Variants in HEXD observed in about 807,000 individuals in gnomAD.
The protein encoded by HEXD is hexosaminidase D.
Under a neutral mutation model 54.2 loss-of-function variants are expected in HEXD, and 47 were observed. The observed-to-expected ratio is 0.87, with a 90% confidence interval of 0.69 to 1.11. The LOEUF is 1.11. Ranked by LOEUF, HEXD falls within the 50% of genes least tolerant of loss-of-function variation. The probability of loss-of-function intolerance (pLI) is 0.00; values close to 1 mark genes in which losing one functional copy is unlikely to be tolerated. For synonymous variants in HEXD, 293 were observed against 287.6 expected (o/e 1.02, Z -0.19); for missense variants, 576 against 649.2 (o/e 0.89, Z 1.23).
intron 3 of HEXD, among the ~76,000 whole-genome samples, chr17:82,425,217 T>TGGGCTAGAGAAGGCCGGAGG: frequency 2.2e-5 from 3 of 137,304 alleles, no homozygotes; most frequent in Middle Eastern, 5.4e-3. Flanking sequence ...TGGAGGAGGC[T>TGGGCTAGAGAAGGCCGGAGG]GGGCTAGAGA....
In HEXD at chr17:82,433,122, ATATATAT is replaced by A. The variant is rs1316734960; in HGVS notation, c.283-534_283-528del. 6.3e-4 allele frequency among the ~76,000 whole-genome samples: 11 copies of A among 17,436 alleles called. 2 individuals carry two copies. Among genetic ancestry groups the A allele is most frequent in the Admixed American group, 1.0e-3 (1 of 1,000 alleles). 11.4% of individuals were successfully genotyped at this position (17,436 alleles called of 152,430 possible). On this transcript the variant is annotated intron_variant, in intron 4 of 12. Transcript: ENST00000327949. ...TATATATATATATATATATATATAT[ATATATAT>A]TTTTTTTTTTTTTTTATATATATAT... is the stretch of plus-strand genomic sequence containing the variant.
chr17:82,427,135 C>CAAAAAA, intron 3 of HEXD: 1 of 96,170 alleles, frequency 1.0e-5, no homozygotes, highest in Non-Finnish European at 2.2e-5. Context: ...GACTCCGTCT[C>CAAAAAA]AAAAAAAAAA....
intron 11 of HEXD, among the ~76,000 whole-genome samples, 159 bp from the exon 12 acceptor site, chr17:82,441,641 G>A (rs983173469): frequency 6.6e-6 from 1 of 152,116 alleles, no homozygotes; most frequent in Non-Finnish European, 1.5e-5. Flanking sequence ...CCCACTCCCA[G>A]GCACAGGAGG....
chr17:82,429,642 G>A (rs1402034189), intron 4 of HEXD, among the ~76,000 whole-genome samples: 1 of 152,028 alleles, frequency 6.6e-6, no homozygotes, highest in Admixed American at 6.6e-5. Flanking sequence ...TTTCCTGCTG[G>A]GCCCCTCGGT....
At chr17:82,430,938 A>C (rs1214650526) in intron 4 of HEXD, among the ~76,000 whole-genome samples, 2 of 151,970 alleles carry the variant, frequency 1.3e-5, no homozygotes, top group East Asian at 3.9e-4. Context: ...TGCATTTTTC[A>C]TTTAGATCTA....
Position 82,431,706 on chromosome 17 carries a change from C to G in HEXD, c.283-1952C>G, listed in dbSNP as rs547551612. On this transcript the variant is annotated intron_variant, in intron 4 of 12. Coordinates refer to ENST00000327949, the MANE Select transcript of HEXD (RefSeq NM_001330542.2). ...TGCTGGGACTACAGGCATGAGCCAC[C>G]ATGCCCGGCCTCCTTTCATTCTTAC... 3.3e-5 allele frequency among the ~76,000 whole-genome samples: 5 copies of G among 152,266 alleles called. No homozygotes were observed. In the South Asian group the frequency reaches 8.3e-4, roughly 25 times the overall value.
intron 8 of HEXD, chr17:82,439,323 G>C (rs2053860656): frequency 1.8e-6 from 1 of 543,372 alleles, no homozygotes; most frequent in African/African-American, 2.1e-5. Context: ...AGGTGCTGGG[G>C]GGAGGGACAA....
At chr17:82,441,521 GA>G (rs2053967708) in intron 11 of HEXD, among the ~76,000 whole-genome samples, 1 of 145,866 alleles carries the variant, frequency 6.9e-6, no homozygotes, top group Non-Finnish European at 1.5e-5. Context: ...AGGTGCGGCT[GA>G]GGGGCAGGTG....
At position 82,442,055 on chromosome 17, in the gene HEXD, G is replaced by A. The variant is rs1487648614; in HGVS notation, c.1254-122G>A. The A allele has an allele frequency of 2.3e-5, 31 of 1,362,276 alleles. No homozygotes were observed. Among genetic ancestry groups the A allele is most frequent in the Non-Finnish European group, 2.9e-5 (29 of 985,568 alleles). 84.4% of individuals were successfully genotyped at this position (1,362,276 alleles called of 1,614,324 possible). On this transcript the variant is annotated intron_variant, in intron 12 of 12. Coordinates refer to ENST00000327949, the MANE Select transcript of HEXD (RefSeq NM_001330542.2). This position sits in a 1 kb window ranked among gnomAD's most constrained non-coding sequence, Gnocchi z 6.8. ...ACCGACTTGTTCCTCCCGACATGCC[G>A]ATGAGGTAGGGTCAGTAGCCCCATT...
At chr17:82,429,672 C>T (rs934523893) in intron 4 of HEXD, among the ~76,000 whole-genome samples, 7 of 152,220 alleles carry the variant, frequency 4.6e-5, no homozygotes, top group Middle Eastern at 3.4e-3. Context: ...CATCCCCAGC[C>T]GCTCTCCTGA....
chr17:82,426,582 G>C (rs2053420724), intron 3 of HEXD: 1 of 152,002 alleles, frequency 6.6e-6, no homozygotes, highest in Non-Finnish European at 1.5e-5. Flanking sequence ...TGTCTCAAAA[G>C]AAAAGGAAAG....
Position 82,418,473 on chromosome 17 carries a change from G to A in HEXD, c.-319G>A. On this transcript the variant is annotated 5_prime_UTR_variant, in exon 1 of 13. Transcript: ENST00000327949. The stretch of plus-strand genomic sequence containing the variant: ...TCGGGCGCCTTGGTTGCGGCCCTCC[G>A]CTGAGGAGCCATCGGACCAGGCCGC... 1 of 1,465,882 alleles carries A rather than the reference G, an allele frequency of 6.8e-7. No individual in the cohort carries two copies. The highest frequency in any genetic ancestry group is 9.0e-7 in the Non-Finnish European group (1 of 1,113,814). The allele number at this position is 1,465,882 out of a possible 1,614,324, so 90.8% of individuals were successfully genotyped here.
Position 82,441,175 on chromosome 17 carries a change from G to T in HEXD, c.1072G>T (p.Gly358Cys). The T allele has an allele frequency of 6.2e-7, 1 of 1,613,210 alleles. No individual in the cohort carries two copies. The highest frequency in any genetic ancestry group is 8.5e-7 in the Non-Finnish European group (1 of 1,179,988). The part of the protein sequence containing the change: ...EKTDPVREGA[G>C]SFPGSNILAL... ...CAGGGCTCTCCGCAGGGAGGGGGCC[G>T]GCTCCTTCCCTGGCAGCAACATCCT... Residue 358 changes from glycine (G) to cysteine (C), a missense_variant, in exon 11 of 13, where the codon GGC becomes TGC. Coordinates refer to ENST00000327949, the MANE Select transcript of HEXD (RefSeq NM_001330542.2).
chr17:82,437,425 C>T, intron 8 of HEXD, 62 bp downstream of exon 8: 17 of 1,417,398 alleles, frequency 1.2e-5, no homozygotes, highest in Non-Finnish European at 1.5e-5. Context: ...ACCACGTCGG[C>T]CTGTGCAGCG....
chr17:82,440,975 C>T (rs545918296), intron 9 of HEXD, 22 bp from the exon 10 acceptor site: 165 of 1,613,224 alleles, frequency 1.0e-4, no homozygotes, highest in Non-Finnish European at 1.4e-4. Flanking sequence ...CCTCCAACCG[C>T]CCCGCTCATT....
chr17:82,428,119 G>C (rs1487281045), intron 3 of HEXD: 1 of 153,938 alleles, frequency 6.5e-6, no homozygotes, highest in Non-Finnish European at 1.4e-5. Flanking sequence ...CGAGTAGCTG[G>C]GATTACAGGT....
At chr17:82,427,027 T>C (rs1307052152) in intron 3 of HEXD, 1 of 151,992 alleles carries the variant, frequency 6.6e-6, no homozygotes, top group Admixed American at 6.6e-5. Context: ...TCCCAGCTAC[T>C]CGGGAGGCTG....
At position 82,437,263 on chromosome 17, in the gene HEXD, C is replaced by T. The variant is rs369707599; in HGVS notation, c.799C>T (p.Pro267Ser). 6.2e-7 allele frequency: 1 copy of T among 1,612,318 alleles called. No individual in the cohort carries two copies. The highest frequency in any genetic ancestry group is 1.7e-5 in the Admixed American group (1 of 59,966). ...CACGGGGCCCAGCCAGGCCGTGCCC[C>T]CTGTTGAGCACCACCTCAGGAACCA... ...GATGPSQAVP[P>S]VEHHLRNHVQ... Residue 267 changes from proline (P) to serine (S), a missense_variant, in exon 8 of 13, where the codon CCT (proline) becomes TCT (serine). Transcript: ENST00000327949.
At chr17:82,436,104 G>A (rs1417618751) in intron 6 of HEXD, among the ~76,000 whole-genome samples, 1 of 152,258 alleles carries the variant, frequency 6.6e-6, no homozygotes, top group Non-Finnish European at 1.5e-5. Flanking sequence ...GAGGGCTTGG[G>A]AGTGTCCAGC....
Sources: allele counts gnomAD v4.1 joint callset (sites outside exome capture counted in the v4.1 genomes callset), GRCh38; gene constraint gnomAD v4.1.1; non-coding constraint Gnocchi (gnomAD v3.1); transcripts MANE v1.5; gene names NCBI Gene and HGNC (gene_info 2026-07-23, HGNC 2026-07-21).